Variants in SPAG16 observed in about 807,000 individuals in gnomAD.
SPAG16 encodes sperm-associated antigen 16 protein.
A neutral mutation model predicts 80.4 loss-of-function variants in SPAG16; 86 were observed. The ratio of observed to expected loss-of-function variants is 1.07; its 90% CI spans 0.90 to 1.28. The LOEUF is 1.28. SPAG16 is among the 50% of genes most tolerant of loss of function. SPAG16 has a pLI of 0.00. For synonymous variants in SPAG16, 294 were observed against 265.9 expected, an observed-to-expected ratio of 1.11 and a Z score of -1.03; for missense variants, 870 against 765.3, an observed-to-expected ratio of 1.14 and a Z score of -1.61.
chr2:214,191,813 T>C (rs1252365135), intron 15 of SPAG16, among the ~76,000 whole-genome samples: 1 of 151,450 alleles, frequency 6.6e-6, no homozygotes, highest in Non-Finnish European at 1.5e-5. Flanking sequence ...TAGAAAACGA[T>C]TTCCGTATAG....
At chr2:214,125,898 G>A (rs1378540167) in intron 14 of SPAG16, among the ~76,000 whole-genome samples, 4 of 151,456 alleles carry the variant, frequency 2.6e-5, no homozygotes, top group Admixed American at 6.8e-5. Context: ...AATGAAGAAT[G>A]GACAATCACG....
intron 10 of SPAG16, among the ~76,000 whole-genome samples, chr2:213,662,853 TATTTGACAAATACTTTGC>T (rs928390756): frequency 1.9e-4 from 29 of 152,236 alleles, no homozygotes; most frequent in African/African-American, 3.6e-4. Flanking sequence ...AAAGTATTTG[TATTTGACAAATACTTTGC>T]ATTTGACAAA....
chr2:213,882,315 A>T (rs922873449), intron 11 of SPAG16, among the ~76,000 whole-genome samples: 1 of 152,084 alleles, frequency 6.6e-6, no homozygotes, highest in East Asian at 1.9e-4. Flanking sequence ...TTTCTCTGCC[A>T]TGTTTTCATA....
chr2:213,338,528 A>T (rs1305869539), intron 5 of SPAG16, among the ~76,000 whole-genome samples: 1 of 152,208 alleles, frequency 6.6e-6, no homozygotes, highest in African/African-American at 2.4e-5. Context: ...ACCCAAAGGA[A>T]TATAAATCAT....
At chr2:213,563,326 T>C (rs1014976084) in intron 10 of SPAG16, among the ~76,000 whole-genome samples, 2 of 152,228 alleles carry the variant, frequency 1.3e-5, no homozygotes, top group Non-Finnish European at 2.9e-5. Context: ...TCTTGAACTT[T>C]TGAGTTTTTG....
At chr2:213,949,799 C>A (rs555129014) in intron 12 of SPAG16, among the ~76,000 whole-genome samples, 190 of 152,252 alleles carry the variant, frequency 1.2e-3, no homozygotes, top group African/African-American at 3.8e-3. Context: ...TGCTTGTGAA[C>A]CTACATGCTG....
chr2:214,043,790 T>C (rs1227774567), intron 13 of SPAG16, among the ~76,000 whole-genome samples: 1 of 152,134 alleles, frequency 6.6e-6, no homozygotes, highest in African/African-American at 2.4e-5. Flanking sequence ...TTAAATCCCT[T>C]TGAAGATTAG....
chr2:214,166,605 A>G (rs912098800), intron 15 of SPAG16, among the ~76,000 whole-genome samples: 1 of 152,082 alleles, frequency 6.6e-6, no homozygotes, highest in Non-Finnish European at 1.5e-5. Context: ...TTATTCCTCT[A>G]TCTTTACCCC....
Position 213,700,096 on chromosome 2 carries a change from A to T in SPAG16, c.1071-162389A>T, listed in dbSNP as rs376723189. On this transcript the variant is annotated intron_variant, in intron 10 of 15. Coordinates refer to ENST00000331683, the MANE Select transcript of SPAG16 (RefSeq NM_024532.5). ...ATTATCATATGTAATTCAGTAAAGA[A>T]ATGTGTATACATGCATGTAATACAT... Among the ~76,000 whole-genome samples, 7 of 152,356 alleles carry T rather than the reference A, an allele frequency of 4.6e-5. No homozygotes were observed. In the East Asian group the frequency reaches 1.2e-3, roughly 25 times the overall value.
At chr2:213,573,020 C>T (rs1455512870) in intron 10 of SPAG16, among the ~76,000 whole-genome samples, 1 of 152,166 alleles carries the variant, frequency 6.6e-6, no homozygotes, top group African/African-American at 2.4e-5. Flanking sequence ...TCCATCACCC[C>T]TTTCTTTGAC....
At chr2:214,396,359 C>A (rs911220515) in intron 15 of SPAG16, among the ~76,000 whole-genome samples, 8 of 152,004 alleles carry the variant, frequency 5.3e-5, no homozygotes, top group African/African-American at 1.9e-4. Context: ...AGTACTTAGA[C>A]ACATTGTATA....
intron 15 of SPAG16, among the ~76,000 whole-genome samples, chr2:214,316,557 T>C (rs937436546): frequency 2.0e-5 from 3 of 152,202 alleles, no homozygotes; most frequent in African/African-American, 4.8e-5. Flanking sequence ...TTGTAGATGG[T>C]AACTGTGAAG....
chr2:213,465,442 T>G (rs192086443), intron 9 of SPAG16, among the ~76,000 whole-genome samples: 1 of 152,234 alleles, frequency 6.6e-6, no homozygotes, highest in African/African-American at 2.4e-5. Flanking sequence ...TCTAAGGGGT[T>G]TTTTTGAGGT....
At chr2:214,307,667 G>A (rs538044527) in intron 15 of SPAG16, among the ~76,000 whole-genome samples, 199 of 152,180 alleles carry the variant, frequency 1.3e-3, no homozygotes, top group African/African-American at 4.6e-3. Flanking sequence ...AGTCATTCAG[G>A]AGCAGGTTAT....
intron 13 of SPAG16, among the ~76,000 whole-genome samples, chr2:214,088,323 C>T (rs928909759): frequency 1.0e-4 from 15 of 149,478 alleles, no homozygotes; most frequent in African/African-American, 1.2e-4. Context: ...TCTTACTTAA[C>T]ATCTGCATAT....
chr2:213,584,122 CT>C (rs1459641827), intron 10 of SPAG16, among the ~76,000 whole-genome samples: 2 of 152,202 alleles, frequency 1.3e-5, no homozygotes, highest in African/African-American at 4.8e-5. Flanking sequence ...GGATGACCCC[CT>C]AACATGTAGT....
At chr2:214,238,098 C>A (rs755574175) in intron 15 of SPAG16, 4 of 375,308 alleles carry the variant, frequency 1.1e-5, no homozygotes, top group South Asian at 8.0e-5. Context: ...ATTCCATTAA[C>A]AACTTTTAAT....
chr2:213,701,242 A>AAAATAAAT (rs66638113), intron 10 of SPAG16, among the ~76,000 whole-genome samples: 2 of 151,298 alleles, frequency 1.3e-5, no homozygotes, highest in African/African-American at 4.9e-5. Flanking sequence ...TCCATCTAAA[A>AAAATAAAT]AAATAAATAA....
chr2:213,739,919 T>C (rs1005889872), intron 10 of SPAG16, among the ~76,000 whole-genome samples: 1 of 152,196 alleles, frequency 6.6e-6, no homozygotes, highest in Non-Finnish European at 1.5e-5. Context: ...CTGCATATCC[T>C]TTGAAAAATT....
Sources: gnomAD v4.1 joint callset for allele counts (sites outside exome capture counted in the v4.1 genomes callset) on GRCh38, gnomAD v4.1.1 for gene constraint, MANE v1.5 for transcripts, NCBI Gene and HGNC (gene_info 2026-07-23, HGNC 2026-07-21) for gene names.